The following DCC variants were observed in gnomAD, a reference collection of about 807,000 sequenced individuals.
DCC encodes DCC netrin 1 receptor.
DCC carries 58 observed loss-of-function variants against 172.5 expected under a neutral mutation model. That is an observed-to-expected ratio of 0.34 (90% CI 0.27 to 0.42). The LOEUF is 0.42. DCC is among the 10% of genes least tolerant of loss of function. DCC has a pLI of 1.00. For missense variants in DCC, 1,740 were observed against 1,791.0 expected (o/e 0.97, Z 0.51); for synonymous variants, 709 against 644.5 (o/e 1.10, Z -1.52).
At chr18:52,403,926 A>G (rs1198825005) in intron 1 of DCC, among the ~76,000 whole-genome samples, 2 of 152,094 alleles carry the variant, frequency 1.3e-5, no homozygotes, top group Non-Finnish European at 2.9e-5. Context: ...GTGTCACTAG[A>G]CATTATGTAG....
At chr18:52,348,345 G>A (rs1396636580) in intron 1 of DCC, among the ~76,000 whole-genome samples, 1 of 152,148 alleles carries the variant, frequency 6.6e-6, no homozygotes, top group Non-Finnish European at 1.5e-5. Context: ...CCTAGGAGTG[G>A]AATTGCTGAG....
intron 2 of DCC, among the ~76,000 whole-genome samples, chr18:52,781,636 C>T (rs1290387432): frequency 6.6e-6 from 1 of 152,030 alleles, no homozygotes; most frequent in Non-Finnish European, 1.5e-5. Context: ...TGATCAGTAA[C>T]AGAAGTTATT....
intron 1 of DCC, among the ~76,000 whole-genome samples, chr18:52,747,116 C>T (rs2036917633): frequency 6.6e-6 from 1 of 152,118 alleles, no homozygotes; most frequent in South Asian, 2.1e-4. Context: ...GAAATCTTCC[C>T]AAACCAACAT....
chr18:52,855,137 T>C (rs2039032741), intron 2 of DCC, among the ~76,000 whole-genome samples: 1 of 152,228 alleles, frequency 6.6e-6, no homozygotes, highest in Non-Finnish European at 1.5e-5. Flanking sequence ...CATCCTCATC[T>C]GTTCTCAGTT....
intron 7 of DCC, among the ~76,000 whole-genome samples, chr18:53,071,481 A>G (rs530366894): frequency 6.2e-4 from 95 of 152,328 alleles, no homozygotes; most frequent in African/African-American, 2.2e-3. Context: ...ATAATGCCAT[A>G]CACACAGTGC....
At chr18:53,488,976 G>GA (rs2045931844) in intron 26 of DCC, among the ~76,000 whole-genome samples, 1 of 151,780 alleles carries the variant, frequency 6.6e-6, no homozygotes, top group Non-Finnish European at 1.5e-5. Flanking sequence ...GGCCAACATG[G>GA]TGAAACCGCA....
chr18:52,820,324 TG>T (rs2038382989), intron 2 of DCC, among the ~76,000 whole-genome samples: 1 of 152,206 alleles, frequency 6.6e-6, no homozygotes, highest in African/African-American at 2.4e-5. Flanking sequence ...AAAATGTCTT[TG>T]CCTAATGTGT....
chr18:52,842,608 G>A (rs567670614), intron 2 of DCC, among the ~76,000 whole-genome samples: 1 of 152,292 alleles, frequency 6.6e-6, no homozygotes, highest in African/African-American at 2.4e-5. Flanking sequence ...AAGTTTGTGT[G>A]CATCACATGG....
intron 9 of DCC, among the ~76,000 whole-genome samples, chr18:53,187,348 T>C (rs1025032284): frequency 2.6e-5 from 4 of 152,054 alleles, no homozygotes; most frequent in Non-Finnish European, 4.4e-5. Flanking sequence ...GGTCTTGAAC[T>C]CCTGACCTCA....
intron 2 of DCC, among the ~76,000 whole-genome samples, chr18:52,802,038 T>A (rs1598816933): frequency 1.3e-5 from 2 of 152,026 alleles, no homozygotes; most frequent in East Asian, 1.9e-4. Context: ...TTCTTTTTTT[T>A]ATCAACATCC....
chr18:52,680,055 G>A (rs1199339539), intron 1 of DCC, among the ~76,000 whole-genome samples: 2 of 152,112 alleles, frequency 1.3e-5, no homozygotes, highest in Admixed American at 1.3e-4. Context: ...TTATGTGGAA[G>A]TATTAGGCAT....
chr18:53,007,221 C>T (rs1463843149), intron 5 of DCC, among the ~76,000 whole-genome samples: 3 of 152,102 alleles, frequency 2.0e-5, no homozygotes, highest in Non-Finnish European at 4.4e-5. Flanking sequence ...ATTATAATGG[C>T]TATGATAATT....
intron 9 of DCC, among the ~76,000 whole-genome samples, chr18:53,187,179 G>C (rs969395396): frequency 6.7e-6 from 1 of 150,206 alleles, no homozygotes; most frequent in Non-Finnish European, 1.5e-5. Flanking sequence ...TTGGAGTGCA[G>C]TGGTGTGATC....
At chr18:53,457,978 C>T (rs2045504086) in intron 23 of DCC, among the ~76,000 whole-genome samples, 1 of 152,156 alleles carries the variant, frequency 6.6e-6, no homozygotes, top group African/African-American at 2.4e-5. Flanking sequence ...TACAAAGCTA[C>T]TTATTCATCA....
At chr18:53,231,426 T>G (rs536512583) in intron 12 of DCC, among the ~76,000 whole-genome samples, 1 of 152,118 alleles carries the variant, frequency 6.6e-6, no homozygotes, top group Non-Finnish European at 1.5e-5. Context: ...ACTATCAACA[T>G]CTGTATGTGT....
At chr18:53,327,762 GTTC>G (rs1195290909) in intron 14 of DCC, among the ~76,000 whole-genome samples, 27 of 152,178 alleles carry the variant, frequency 1.8e-4, no homozygotes, top group African/African-American at 6.3e-4. Context: ...AAAAGAATGT[GTTC>G]TTCTGGTGAT....
At chr18:52,779,336 G>A (rs1008795802) in intron 2 of DCC, among the ~76,000 whole-genome samples, 3 of 151,982 alleles carry the variant, frequency 2.0e-5, no homozygotes, top group African/African-American at 7.2e-5. Flanking sequence ...CCCAGTGTTT[G>A]ACGTTCCCCT....
chr18:53,227,684 C>A (rs2056055782), intron 12 of DCC, among the ~76,000 whole-genome samples: 1 of 152,146 alleles, frequency 6.6e-6, no homozygotes, highest in Admixed American at 6.6e-5. Context: ...TATTATGTAT[C>A]TAATCTTAAT....
rs377168535 is a variant in DCC, at chr18:53,456,372, T to C, written c.3393-2860T>C. The stretch of plus-strand genomic sequence containing the variant: ...CCTGGGAGGGTTCTTTGTTTGCCTT[T>C]ATCAAGAATACCTGGGGTAGAAGGA... On this transcript the variant is annotated intron_variant, in intron 23 of 28. Coordinates refer to ENST00000442544, the MANE Select transcript of DCC (RefSeq NM_005215.4). Among the ~76,000 whole-genome samples the C allele has an allele frequency of 8.2e-4, 125 of 152,258 alleles. 1 individual carries two copies. The East Asian group carries it at 8.7e-3, about 11-fold the overall frequency.
Sources: allele counts gnomAD v4.1 joint callset (sites outside exome capture counted in the v4.1 genomes callset), GRCh38; gene constraint gnomAD v4.1.1; transcripts MANE v1.5; gene names NCBI Gene and HGNC (gene_info 2026-07-23, HGNC 2026-07-21).